SBNO1: variants seen among roughly 807,000 people sequenced by gnomAD.
SBNO1 encodes protein strawberry notch homolog 1.
A neutral mutation model predicts 173.6 loss-of-function variants in SBNO1; 23 were observed. That is an observed-to-expected ratio of 0.13 (90% CI 0.10 to 0.19). SBNO1 has a LOEUF of 0.19. Ranked by LOEUF, SBNO1 falls within the 10% of genes least tolerant of loss-of-function variation. SBNO1 has a pLI of 1.00. For missense variants in SBNO1, 1,238 were observed against 1,671.2 expected, an observed-to-expected ratio of 0.74 and a Z score of 4.52; for synonymous variants, 632 against 571.5, an observed-to-expected ratio of 1.11 and a Z score of -1.51.
intron 30 of SBNO1, among the ~76,000 whole-genome samples, chr12:123,302,331 C>A (rs995971132): frequency 1.3e-5 from 2 of 151,756 alleles, no homozygotes; most frequent in Non-Finnish European, 2.9e-5. Context: ...CAACTTCCAC[C>A]TTCCGGGTTC....
chr12:123,296,555 G>GTTTTTTTTTTTTTTTT (rs35125710), intron 31 of SBNO1, among the ~76,000 whole-genome samples: 1 of 140,426 alleles, frequency 7.1e-6, no homozygotes, highest in African/African-American at 2.7e-5. Flanking sequence ...ATATATATGT[G>GTTTTTTTTTTTTTTTT]TTTTTTTTTT....
rs1411605110 is a variant in SBNO1 at position 123,364,426 on chromosome 12, G to A, written c.-1+275C>T. The A allele has an allele frequency of 7.1e-6, 7 of 985,406 alleles. No individual in the cohort carries two copies. In the South Asian group the frequency reaches 2.3e-4, roughly 33 times the overall value. The allele number at this position is 985,406 out of a possible 1,614,324, so 61.0% of individuals were successfully genotyped here. A position where few individuals can be genotyped will look rare whatever the true frequency, so the allele number is the denominator to read the frequency against. On this transcript the variant is annotated intron_variant, in intron 1 of 31. Coordinates refer to ENST00000602398, the MANE Select transcript of SBNO1 (RefSeq NM_001167856.3). ...GGGTGCCTCCGGCCCGGGACAGCGG[G>A]GCTCCCGGAGCCCGAAAGCCCCACG...
At chr12:123,340,586 A>C (rs1302500565) in intron 5 of SBNO1, among the ~76,000 whole-genome samples, 1 of 149,344 alleles carries the variant, frequency 6.7e-6, no homozygotes, top group Non-Finnish European at 1.5e-5. Flanking sequence ...TGTCTCAAAA[A>C]AAAAAAAAAA....
In SBNO1 at chr12:123,300,977, A is replaced by AAC. The variant is rs1184667959; in HGVS notation, c.3845+1846_3845+1847insGT. Among the ~76,000 whole-genome samples the AAC allele has an allele frequency of 3.0e-4, 44 of 147,178 alleles. 2 individuals are homozygous for AAC. The South Asian group carries it at 9.2e-3, about 31-fold the overall frequency. On this transcript the variant is annotated intron_variant, in intron 30 of 31. Transcript: ENST00000602398. ...ACCATCTCAAAAAAAAAACAAAAAA[A>AAC]AACAAAAAAAAAACCCAAGTTAGTA...
At chr12:123,310,910 TC>T in intron 25 of SBNO1, 144 bp downstream of exon 25, 1 of 620,790 alleles carries the variant, frequency 1.6e-6, no homozygotes, top group Non-Finnish European at 2.9e-6. Flanking sequence ...TATGCATGGA[TC>T]TTTTACACAT....
chr12:123,308,327 A>T (rs1324742344), intron 28 of SBNO1, among the ~76,000 whole-genome samples: 1 of 152,206 alleles, frequency 6.6e-6, no homozygotes, highest in Non-Finnish European at 1.5e-5. Flanking sequence ...AAAGATATAA[A>T]GCATTATTAA....
In SBNO1 at chr12:123,303,932, T is replaced by G. The variant is rs977165108; in HGVS notation, c.3768+650A>C. Among the ~76,000 whole-genome samples the G allele has an allele frequency of 2.8e-4, 39 of 137,760 alleles. No homozygotes were observed. The South Asian group carries it at 8.9e-3, about 32-fold the overall frequency. The allele number at this position is 137,760 out of a possible 152,430, so 90.4% of individuals were successfully genotyped here. On this transcript the variant is annotated intron_variant, in intron 29 of 31. Coordinates refer to ENST00000602398, the MANE Select transcript of SBNO1 (RefSeq NM_001167856.3). ...TATAAAATAAGTATTCTTTTTTTTT[T>G]TTTTTTTTTTTTGAGACGGAGTCTT... is the stretch of plus-strand genomic sequence containing the variant.
chr12:123,363,893 T>C, intron 1 of SBNO1: 2 of 985,478 alleles, frequency 2.0e-6, no homozygotes, highest in African/African-American at 3.5e-5. Context: ...CAGAAGGGTT[T>C]AGGAACATCC....
At chr12:123,336,279 A>T (rs1472115709) in intron 6 of SBNO1, 116 bp downstream of exon 6, 19 of 711,070 alleles carry the variant, frequency 2.7e-5, no homozygotes, top group Admixed American at 8.5e-5. Context: ...TTGGTTTTAA[A>T]AGACTTTGAC....
At position 123,346,045 on chromosome 12, in the gene SBNO1, T is replaced by A. The variant is rs186789920; in HGVS notation, c.238-475A>T. Among the ~76,000 whole-genome samples, 385 of 152,314 alleles carry A rather than the reference T, an allele frequency of 2.5e-3. 2 individuals carry two copies. Among genetic ancestry groups the A allele is most frequent in the Non-Finnish European group, 1.4e-3 (96 of 68,024 alleles). ...ACGGACAACTTTGACGAAAAGAAGG[T>A]ATAGTTGTAATATAACCCTTTCTAT... is the stretch of plus-strand genomic sequence containing the variant. On this transcript the variant is annotated intron_variant, in intron 3 of 31. Transcript: ENST00000602398.
Position 123,327,457 on chromosome 12 carries a change from T to C in SBNO1, c.1661A>G (p.Tyr554Cys), listed in dbSNP as rs774702018. ...KIEEVLLSQSYVKMYNKAVKL... is the reference protein window; with the variant it reads ...KIEEVLLSQSCVKMYNKAVKL... ...GACAGCTTTGTTATACATTTTAACG[T>C]AGCTCTGAGAAAGAAGAACTTCCTC... Residue 554 changes from tyrosine (Y) to cysteine (C), a missense_variant, in exon 13 of 32, where the codon TAC becomes TGC. Physicochemically the swap from Tyr to Cys is radical, Grantham distance 194. Coordinates refer to ENST00000602398, the MANE Select transcript of SBNO1 (RefSeq NM_001167856.3). 1 of 1,613,844 alleles carries C rather than the reference T, an allele frequency of 6.2e-7. No homozygotes were observed. Among genetic ancestry groups the C allele is most frequent in the Non-Finnish European group, 8.5e-7 (1 of 1,179,880 alleles).
chr12:123,340,840 G>A, intron 5 of SBNO1, 148 bp downstream of exon 5: 1 of 615,374 alleles, frequency 1.6e-6, no homozygotes, highest in Non-Finnish European at 2.8e-6. Flanking sequence ...ACTCCAGCGA[G>A]GTTTAAGCAT....
intron 1 of SBNO1, among the ~76,000 whole-genome samples, chr12:123,358,096 A>G (rs1305514104): frequency 6.6e-6 from 1 of 152,248 alleles, no homozygotes; most frequent in Non-Finnish European, 1.5e-5. Flanking sequence ...GTACATACAT[A>G]ATGAGATATC....
chr12:123,347,736 T>C (rs1212346356), intron 3 of SBNO1, among the ~76,000 whole-genome samples: 1 of 151,858 alleles, frequency 6.6e-6, no homozygotes, highest in African/African-American at 2.4e-5. Flanking sequence ...AGTTTCACCA[T>C]GTTGGCCAGG....
intron 30 of SBNO1, among the ~76,000 whole-genome samples, chr12:123,299,620 G>C (rs2048716581): frequency 1.4e-5 from 2 of 146,580 alleles, no homozygotes; most frequent in Non-Finnish European, 3.0e-5. Context: ...GGCGGAGCTT[G>C]CAGTGAGCCA....
Position 123,319,862 on chromosome 12 carries a change from T to A in SBNO1, c.2799+38A>T. The A allele has an allele frequency of 1.9e-6, 3 of 1,593,728 alleles. No individual in the cohort carries two copies. In the South Asian group the frequency reaches 3.3e-5, roughly 18 times the overall value. ...AAAGCTTAATCTAAATATACAGGCA[T>A]TGTTCTTTTCACTGAGAAGCATCTC... is the stretch of plus-strand genomic sequence containing the variant. On this transcript the variant is annotated intron_variant, in intron 20 of 31. Coordinates refer to ENST00000602398, the MANE Select transcript of SBNO1 (RefSeq NM_001167856.3).
rs1440506808 is a variant in SBNO1 at position 123,327,458 on chromosome 12, A to G, written c.1660T>C (p.Tyr554His). The G allele has an allele frequency of 6.2e-7, 1 of 1,613,888 alleles. No individual in the cohort carries two copies. Among genetic ancestry groups the G allele is most frequent in the African/African-American group, 1.3e-5 (1 of 74,926 alleles). ...ACAGCTTTGTTATACATTTTAACGT[A>G]GCTCTGAGAAAGAAGAACTTCCTCA... ...KIEEVLLSQS[Y>H]VKMYNKAVKL... The change falls in exon 13 of 32, where the codon TAC becomes CAC. Residue 554 changes from tyrosine (Y) to histidine (H), a missense_variant. Coordinates refer to ENST00000602398, the MANE Select transcript of SBNO1 (RefSeq NM_001167856.3).
In SBNO1 at chr12:123,334,166, A is replaced by G; in HGVS notation, c.796T>C (p.Leu266=). 6.3e-7 allele frequency: 1 copy of G among 1,599,666 alleles called. No individual in the cohort carries two copies. The highest frequency in any genetic ancestry group is 8.5e-7 in the Non-Finnish European group (1 of 1,175,206). The change falls in exon 7 of 32, where the codon TTA becomes CTA. Residue 266 remains leucine, a synonymous_variant. Transcript: ENST00000602398. ...HPDAVVETSS[L]SSVTPPDVWY... ...ACATCAGGAGGAGTAACACTGGATA[A>G]AGAGCTGGTTTCCACTACAGCATCT...
At chr12:123,364,460 CA>C in intron 1 of SBNO1, 1 of 985,386 alleles carries the variant, frequency 1.0e-6, no homozygotes, top group Non-Finnish European at 1.2e-6. Context: ...CGAGCGGCGA[CA>C]GCGGGGCCCG....
Sources: allele counts gnomAD v4.1 joint callset (sites outside exome capture counted in the v4.1 genomes callset), GRCh38; gene constraint gnomAD v4.1.1; transcripts MANE v1.5; gene names NCBI Gene and HGNC (gene_info 2026-07-23, HGNC 2026-07-21).